DNAH17: variants seen among roughly 807,000 people sequenced by gnomAD.
DNAH17 encodes the protein axonemal beta dynein heavy chain 17.
In DNAH17, 376 loss-of-function variants were observed where a neutral mutation model predicts 485.6. The ratio of observed to expected loss-of-function variants is 0.77; its 90% confidence interval spans 0.71 to 0.84. The LOEUF (loss-of-function observed/expected upper bound fraction) is 0.84, where lower values mean the gene tolerates loss of function less well. Ranked by LOEUF, DNAH17 falls within the 40% of genes least tolerant of loss-of-function variation. The probability of loss-of-function intolerance (pLI) is 0.00; values close to 1 mark genes in which losing one functional copy is unlikely to be tolerated. For missense variants in DNAH17, 6,370 were observed against 5,839.3 expected, an observed-to-expected ratio of 1.09 and a Z score of -2.96; for synonymous variants, 3,031 against 2,405.9, an observed-to-expected ratio of 1.26 and a Z score of -7.60.
chr17:78,444,576 G>T (rs780263584), intron 71 of DNAH17, 28 bp downstream of exon 71: 3 of 1,527,824 alleles, frequency 2.0e-6, no homozygotes, highest in Non-Finnish European at 1.8e-6. Flanking sequence ...CCTCGGGGGC[G>T]GGGCCCCCGG....
At chr17:78,512,535 C>T (rs539075238) in intron 26 of DNAH17, among the ~76,000 whole-genome samples, 29 of 151,988 alleles carry the variant, frequency 1.9e-4, no homozygotes, top group African/African-American at 7.0e-4. Context: ...GCTGAAGGCA[C>T]TTGAGAAGAA....
Position 78,507,654 on chromosome 17 carries a change from T to G in DNAH17, c.4388A>C (p.Lys1463Thr). Reference protein sequence around the residue: ...QVQLQNLMMSKYLAHFLKEVT... With the variant: ...QVQLQNLMMSTYLAHFLKEVT... ...CTCCTTCAGGAAGTGGGCCAGGTAC[T>G]TGGACATCATCAGGTTCTGCAGCTG... is the stretch of plus-strand genomic sequence containing the variant. The change falls in exon 28 of 81, where the codon AAG (lysine) becomes ACG (threonine). Residue 1463 changes from lysine (K) to threonine (T), a missense_variant. By Grantham distance (78) the Lys-to-Thr change is moderately conservative. Coordinates refer to ENST00000389840, the MANE Select transcript of DNAH17 (RefSeq NM_173628.4). The G allele has an allele frequency of 1.2e-6, 2 of 1,613,934 alleles. No homozygotes were observed. The highest frequency in any genetic ancestry group is 1.7e-6 in the Non-Finnish European group (2 of 1,180,014).
intron 19 of DNAH17, among the ~76,000 whole-genome samples, chr17:78,533,968 G>A (rs1173156916): frequency 2.6e-5 from 4 of 152,192 alleles, no homozygotes; most frequent in African/African-American, 7.2e-5. Flanking sequence ...TTACAGGCGT[G>A]AGCCAATGCG....
chr17:78,543,740 A>C, intron 17 of DNAH17, 117 bp downstream of exon 17: 1 of 1,479,096 alleles, frequency 6.8e-7, no homozygotes, highest in Non-Finnish European at 9.4e-7. Context: ...ACAGACTTCT[A>C]TGACTACAAG....
rs186452295 is a variant in DNAH17 at position 78,574,725 on chromosome 17, C to T, written c.333G>A (p.Ala111=). Residue 111 remains alanine, a synonymous_variant, in exon 2 of 81, where the codon GCG becomes GCA. Coordinates refer to ENST00000389840, the MANE Select transcript of DNAH17 (RefSeq NM_173628.4). Reference sequence around the variant, plus strand: ...TGGACGCACTCACCTCCTCCACCACCGCGATCAGCTGGTCCACGGGTGTGG... The same window carrying T: ...TGGACGCACTCACCTCCTCCACCACTGCGATCAGCTGGTCCACGGGTGTGG... ...ISPTPVDQLI[A]VVEEVLSSLL... is the part of the protein sequence containing the mutation. 318 of 1,604,442 alleles carry T rather than the reference C, an allele frequency of 2.0e-4. 1 individual carries two copies. The African/African-American group carries it at 2.4e-3, about 12-fold the overall frequency.
In DNAH17 at chr17:78,428,661, TAGGGACTCTC is replaced by T; in HGVS notation, c.12442_12451del (p.Glu4148IlefsTer14). The T allele has an allele frequency of 6.2e-7, 1 of 1,613,932 alleles. No homozygotes were observed. Among genetic ancestry groups the T allele is most frequent in the Non-Finnish European group, 8.5e-7 (1 of 1,179,908 alleles). Reference sequence around the variant, plus strand: ...TGCGTTGGGGTGCAGGCCATACAGATAGGGACTCTCAGGGGGCAGGTTCTCATCGATGTAT... The same window carrying T: ...TGCGTTGGGGTGCAGGCCATACAGATAGGGGGCAGGTTCTCATCGATGTAT... On this transcript the variant is annotated frameshift_variant, in exon 77 of 81. Transcript: ENST00000389840. LOFTEE classifies it high-confidence loss of function.
chr17:78,427,172 CA>C (rs769613492), intron 77 of DNAH17, 64 bp from the exon 78 acceptor site: 1 of 1,519,090 alleles, frequency 6.6e-7, no homozygotes, highest in Non-Finnish European at 8.9e-7. Flanking sequence ...ACTGCAGGGT[CA>C]GGGAGCCTGC....
intron 75 of DNAH17, among the ~76,000 whole-genome samples, chr17:78,431,060 G>A (rs962190608): frequency 6.6e-6 from 1 of 151,606 alleles, no homozygotes; most frequent in Non-Finnish European, 1.5e-5. Flanking sequence ...TTTATTTTTT[G>A]TAGAGACAGG....
chr17:78,427,589 A>G (rs1233854503), intron 77 of DNAH17, among the ~76,000 whole-genome samples: 1 of 152,194 alleles, frequency 6.6e-6, no homozygotes, highest in Admixed American at 6.5e-5. Flanking sequence ...CCTGGACCTA[A>G]TAGGAATAAG....
At chr17:78,542,201 G>A (rs530065264) in intron 17 of DNAH17, among the ~76,000 whole-genome samples, 19 of 149,722 alleles carry the variant, frequency 1.3e-4, no homozygotes, top group Non-Finnish European at 2.8e-4. Flanking sequence ...AGGCTGGAAT[G>A]CAGTGGTGCA....
chr17:78,490,808 G>T lies in DNAH17; in HGVS notation c.6709C>A (p.Arg2237Ser). ...LASNERIPLN[R>S]TMRLVFEISH... is the part of the protein sequence containing the mutation. ...ATTTCGAACACCAGCCTCATGGTGC[G>T]GTTCAGGGGGATCCGCTCGTTGCTG... Residue 2237 changes from arginine to serine, a missense_variant, in exon 44 of 81, where the codon CGC becomes AGC. Arg to Ser is a moderately radical substitution (Grantham distance 110, BLOSUM62 -1). Coordinates refer to ENST00000389840, the MANE Select transcript of DNAH17 (RefSeq NM_173628.4). 6.2e-7 allele frequency: 1 copy of T among 1,604,198 alleles called. No individual in the cohort carries two copies. Among genetic ancestry groups the T allele is most frequent in the Non-Finnish European group, 8.5e-7 (1 of 1,175,554 alleles).
At position 78,492,743 on chromosome 17, in the gene DNAH17, G is replaced by C; in HGVS notation, c.6431C>G (p.Thr2144Ser). ...CGGCTTCCTCTTCAGGTTCTGATAG[G>C]TCTTGTTGAGGGATTTGAGGACCTG... is the stretch of plus-strand genomic sequence containing the variant. ...KSQVLKSLNK[T>S]YQNLKRKPVA... Residue 2144 changes from threonine (T) to serine (S), a missense_variant, in exon 42 of 81, where the codon ACC becomes AGC. By Grantham distance (58) the Thr-to-Ser change is moderately conservative (BLOSUM62 1). Coordinates refer to ENST00000389840, the MANE Select transcript of DNAH17 (RefSeq NM_173628.4). The C allele has an allele frequency of 6.2e-7, 1 of 1,612,462 alleles. No homozygotes were observed. The highest frequency in any genetic ancestry group is 8.5e-7 in the Non-Finnish European group (1 of 1,179,308).
At chr17:78,498,629 T>TCCTCCTCTTCCTCCCTCTCCC in intron 37 of DNAH17, among the ~76,000 whole-genome samples, 1 of 152,250 alleles carries the variant, frequency 6.6e-6, no homozygotes, top group East Asian at 1.9e-4. Flanking sequence ...ATTTCCTCCC[T>TCCTCCTCTTCCTCCCTCTCCC]CCTCCTCTTC....
At chr17:78,570,466 G>T in intron 6 of DNAH17, 94 bp from the exon 7 acceptor site, 2 of 1,462,068 alleles carry the variant, frequency 1.4e-6, no homozygotes, top group Non-Finnish European at 1.8e-6. Context: ...CTCTCACTGG[G>T]TATCCAGCAG....
In DNAH17 at chr17:78,470,521, T is replaced by G. The variant is rs1759811586; in HGVS notation, c.8512-1638A>C. 2.0e-5 allele frequency among the ~76,000 whole-genome samples: 3 copies of G among 151,826 alleles called. 1 individual carries two copies. The South Asian group carries it at 6.2e-4, about 32-fold the overall frequency. On this transcript the variant is annotated intron_variant, in intron 54 of 80. Transcript: ENST00000389840. ...CTGGCCAACATGGTGAAACCCCATC[T>G]CTACAAAAAATACAACAATTAGCCA...
At chr17:78,469,388 G>A (rs867139041) in intron 54 of DNAH17, among the ~76,000 whole-genome samples, 16 of 152,142 alleles carry the variant, frequency 1.1e-4, no homozygotes, top group South Asian at 6.2e-4. Context: ...TGATCCACCC[G>A]CCTCGGCCTC....
In DNAH17 at chr17:78,566,741, A is replaced by G. The variant is rs750705840; in HGVS notation, c.1453-11T>C. ...ATCACGGTCAAAATTCTAAAAGCAA[A>G]TGGAAATGTCAACCTTGTAATCAGC... is the stretch of plus-strand genomic sequence containing the variant. On this transcript the variant is annotated splice_polypyrimidine_tract_variant and intron_variant, in intron 10 of 80. Coordinates refer to ENST00000389840, the MANE Select transcript of DNAH17 (RefSeq NM_173628.4). The G allele has an allele frequency of 6.3e-7, 1 of 1,578,242 alleles. No homozygotes were observed. The highest frequency in any genetic ancestry group is 8.6e-7 in the Non-Finnish European group (1 of 1,158,966).
In DNAH17 at chr17:78,453,407, T is replaced by C; in HGVS notation, c.10465A>G (p.Ile3489Val). The C allele has an allele frequency of 1.2e-6, 2 of 1,613,964 alleles. No individual in the cohort carries two copies. The highest frequency in any genetic ancestry group is 1.1e-5 in the South Asian group (1 of 91,058). The change falls in exon 65 of 81, where the codon ATC (isoleucine) becomes GTC (valine). Residue 3489 changes from isoleucine to valine, a missense_variant. Physicochemically the swap from Ile to Val is conservative, Grantham distance 29 (BLOSUM62 3). Transcript: ENST00000389840. ...SEGDTLLIEN[I>V]GETVDPVLDP... ...AGCACGGGGTCCACGGTTTCGCCGATGTTCTCAATGAGCAAGGTGTCCCCT... is the reference window on the plus strand; with the variant it reads ...AGCACGGGGTCCACGGTTTCGCCGACGTTCTCAATGAGCAAGGTGTCCCCT...
Position 78,449,531 on chromosome 17 carries a change from C to G in DNAH17, c.11094G>C (p.Glu3698Asp). Residue 3698 changes from glutamate to aspartate, a missense_variant, in exon 69 of 81, where the codon GAG becomes GAC. Glu to Asp is a conservative substitution (Grantham distance 45). Coordinates refer to ENST00000389840, the MANE Select transcript of DNAH17 (RefSeq NM_173628.4). Reference sequence around the variant, plus strand: ...TCAGGTTGATCACCCGCTGCTTCACCTCGTTGGCAGGGGTGGTCCTCTGGA... The same window carrying G: ...TCAGGTTGATCACCCGCTGCTTCACGTCGTTGGCAGGGGTGGTCCTCTGGA... ...KAIQRTTPAN[E>D]VKQRVINLTD... 4 of 1,601,832 alleles carry G rather than the reference C, an allele frequency of 2.5e-6. No individual in the cohort carries two copies. Among genetic ancestry groups the G allele is most frequent in the Non-Finnish European group, 3.4e-6 (4 of 1,174,334 alleles).
Sources: gnomAD v4.1 joint callset for allele counts (sites outside exome capture counted in the v4.1 genomes callset) on GRCh38, gnomAD v4.1.1 for gene constraint, MANE v1.5 for transcripts, NCBI Gene and HGNC (gene_info 2026-07-23, HGNC 2026-07-21) for gene names.